The following NLRP4 variants were observed in gnomAD, a reference collection of about 807,000 sequenced individuals.
NLRP4 encodes NACHT, LRR and PYD domains-containing protein 4.
NLRP4 carries 44 observed loss-of-function variants against 84.7 expected under a neutral mutation model. The observed-to-expected ratio is 0.52, with a 90% CI of 0.41 to 0.67. NLRP4 has a LOEUF of 0.67. Ranked by LOEUF, NLRP4 falls within the 30% of genes least tolerant of loss-of-function variation. The pLI, the probability that NLRP4 is intolerant of heterozygous loss-of-function variation, is 0.00. For missense variants in NLRP4, 1,260 were observed against 1,219.4 expected, an observed-to-expected ratio of 1.03 and a Z score of -0.50; for synonymous variants, 544 against 476.4, an observed-to-expected ratio of 1.14 and a Z score of -1.85.
At position 55,857,752 on chromosome 19, in the gene NLRP4, A is replaced by G; in HGVS notation, c.359A>G (p.His120Arg). 1 of 1,613,940 alleles carries G rather than the reference A, an allele frequency of 6.2e-7. No individual in the cohort carries two copies. Among genetic ancestry groups the G allele is most frequent in the Non-Finnish European group, 8.5e-7 (1 of 1,179,820 alleles). ...LWSSKSVTEI[H>R]LYFEEEVKQE... is the part of the protein sequence containing the mutation. ...TCCAGCAAGTCTGTCACTGAGATTC[A>G]CCTATACTTTGAGGAGGAAGTCAAG... The change falls in exon 3 of 10, where the codon CAC becomes CGC. Residue 120 changes from histidine to arginine, a missense_variant. By Grantham distance (29) the His-to-Arg change is conservative (BLOSUM62 0). This residue lies in a region of NLRP4 where 712 missense variants were observed against 669.2 expected (regional missense o/e 1.06). Coordinates refer to ENST00000301295, the MANE Select transcript of NLRP4 (RefSeq NM_134444.5).
chr19:55,846,721 C>T (rs1487253259), intron 1 of NLRP4, among the ~76,000 whole-genome samples: 1 of 152,074 alleles, frequency 6.6e-6, no homozygotes, highest in Non-Finnish European at 1.5e-5. Context: ...CCAGTTGGTG[C>T]TGATGTTCCT....
chr19:55,871,846 CTTT>C (rs376627745), intron 7 of NLRP4, among the ~76,000 whole-genome samples: 3 of 142,096 alleles, frequency 2.1e-5, no homozygotes, highest in African/African-American at 2.6e-5. Context: ...CAGAAATAAT[CTTT>C]TTTTTTTTTT....
In NLRP4 at chr19:55,858,238, T is replaced by C; in HGVS notation, c.845T>C (p.Val282Ala). 3.1e-6 allele frequency: 5 copies of C among 1,614,136 alleles called. No homozygotes were observed. Among genetic ancestry groups the C allele is most frequent in the Non-Finnish European group, 4.2e-6 (5 of 1,180,014 alleles). Reference protein sequence around the residue: ...EASLLIAIKPVCPKELRDQVT... With the variant: ...EASLLIAIKPACPKELRDQVT... ...TCCCTGCTCATCGCTATCAAACCCG[T>C]GTGCCCGAAGGAGCTCCGGGATCAG... Residue 282 changes from valine (V) to alanine (A), a missense_variant, in exon 3 of 10, where the codon GTG becomes GCG. By Grantham distance (64) the Val-to-Ala change is moderately conservative. Transcript: ENST00000301295. This position sits in a 1 kb window ranked among gnomAD's most constrained non-coding sequence, Gnocchi z 4.2.
chr19:55,866,889 T>C (rs1210933728), intron 5 of NLRP4, among the ~76,000 whole-genome samples: 1 of 152,136 alleles, frequency 6.6e-6, no homozygotes, highest in African/African-American at 2.4e-5. Context: ...TGGGAATGGG[T>C]AGGACCCTTG....
At position 55,858,603 on chromosome 19, in the gene NLRP4, G is replaced by A; in HGVS notation, c.1210G>A (p.Ala404Thr). The A allele has an allele frequency of 6.2e-7, 1 of 1,614,234 alleles. No individual in the cohort carries two copies. The highest frequency in any genetic ancestry group is 8.5e-7 in the Non-Finnish European group (1 of 1,180,038). The stretch of plus-strand genomic sequence containing the variant: ...GCTGAAGGCCCTGTGCTCCCTGGCT[G>A]CAGAGGGTATGTGGACAGACACATT... ...HQLKALCSLA[A>T]EGMWTDTFEF... Residue 404 changes from alanine (A) to threonine (T), a missense_variant, in exon 3 of 10, where the codon GCA (alanine) becomes ACA (threonine). Physicochemically the swap from Ala to Thr is moderately conservative, Grantham distance 58 (BLOSUM62 0). Coordinates refer to ENST00000301295, the MANE Select transcript of NLRP4 (RefSeq NM_134444.5). The surrounding 1 kb of genome is among the most constrained non-coding windows in gnomAD (Gnocchi z 4.2).
In NLRP4 at chr19:55,878,838, C is replaced by T. The variant is rs769137352; in HGVS notation, c.2741C>T (p.Ala914Val). 1.6e-5 allele frequency: 26 copies of T among 1,613,588 alleles called. No homozygotes were observed. The highest frequency in any genetic ancestry group is 7.7e-5 in the South Asian group (7 of 91,048). Residue 914 changes from alanine (A) to valine (V), a missense_variant, in exon 9 of 10, where the codon GCG (alanine) becomes GTG (valine). Transcript: ENST00000301295. ...GLTSTCCKDL[A>V]SVLTCSKTLQ... ...ACGAGCACCTGCTGTAAGGATCTCG[C>T]GTCTGTTCTCACCTGCAGTAAGACC...
intron 8 of NLRP4, 43 bp downstream of exon 8, chr19:55,877,209 A>G (rs777288437): frequency 5.8e-5 from 90 of 1,564,100 alleles, no homozygotes; most frequent in Non-Finnish European, 7.0e-5. Context: ...ATGAGTGGCA[A>G]AGACGGAAAA....
chr19:55,881,470 G>A lies in NLRP4; in HGVS notation c.2868G>A (p.Gly956=). 6.6e-7 allele frequency: 1 copy of A among 1,507,558 alleles called. No individual in the cohort carries two copies. Among genetic ancestry groups the A allele is most frequent in the East Asian group, 2.3e-5 (1 of 44,386 alleles). 93.4% of individuals were successfully genotyped at this position (1,507,558 alleles called of 1,614,324 possible). A position where few individuals can be genotyped will look rare whatever the true frequency, so the allele number is the denominator to read the frequency against. The change falls in exon 10 of 10, where the codon GGG becomes GGA. Residue 956 remains glycine (G), a splice_region_variant and synonymous_variant. Transcript: ENST00000301295. ...AGAACCTCTTAAAATATTTTACCAG[G>A]CTGAGAAAAACTGATTTTGATGAGG... ...RHPECALQVL[G]LRKTDFDEET... is the part of the protein sequence containing the mutation.
At chr19:55,875,676 A>C (rs558637547) in intron 7 of NLRP4, among the ~76,000 whole-genome samples, 3 of 152,306 alleles carry the variant, frequency 2.0e-5, no homozygotes, top group African/African-American at 7.2e-5. Context: ...CTTGAAAAGT[A>C]AATTTTAAAA....
intron 7 of NLRP4, among the ~76,000 whole-genome samples, chr19:55,871,364 G>A (rs1310750725): frequency 6.6e-6 from 1 of 152,142 alleles, no homozygotes. Context: ...CCAGGTAGAA[G>A]GGTAAAACGT....
intron 7 of NLRP4, among the ~76,000 whole-genome samples, chr19:55,871,579 G>A (rs772384099): frequency 1.7e-4 from 26 of 152,174 alleles, no homozygotes; most frequent in Non-Finnish European, 2.2e-4. Flanking sequence ...ATAACATGTT[G>A]TTATGTATTT....
intron 4 of NLRP4, 110 bp downstream of exon 4, chr19:55,861,657 G>A: frequency 9.7e-7 from 1 of 1,029,888 alleles, no homozygotes; most frequent in South Asian, 1.5e-5. Flanking sequence ...AACATCCAGA[G>A]CAGTTGCTCA....
chr19:55,860,703 G>C (rs1984716291), intron 3 of NLRP4, among the ~76,000 whole-genome samples: 1 of 152,210 alleles, frequency 6.6e-6, no homozygotes, highest in East Asian at 1.9e-4. Context: ...TTAGGACATG[G>C]AGAGTTTTAG....
intron 1 of NLRP4, among the ~76,000 whole-genome samples, chr19:55,849,129 C>G (rs1039932995): frequency 6.6e-6 from 1 of 152,094 alleles, no homozygotes; most frequent in East Asian, 1.9e-4. Flanking sequence ...GGAGTTATGC[C>G]GCATCTCCTT....
At chr19:55,854,581 A>G (rs1984335669) in intron 2 of NLRP4, among the ~76,000 whole-genome samples, 2 of 152,330 alleles carry the variant, frequency 1.3e-5, no homozygotes, top group South Asian at 4.1e-4. Flanking sequence ...TAGTAGTTAC[A>G]GGGAAATTTC....
At chr19:55,850,845 A>C (rs1481524508) in intron 1 of NLRP4, among the ~76,000 whole-genome samples, 1 of 84,702 alleles carries the variant, frequency 1.2e-5, no homozygotes, top group African/African-American at 1.3e-4. Flanking sequence ...CTGCGGTGTA[A>C]TTTACGAGGC....
intron 1 of NLRP4, among the ~76,000 whole-genome samples, chr19:55,846,164 G>A (rs1304383428): frequency 1.3e-5 from 2 of 152,140 alleles, no homozygotes; most frequent in African/African-American, 4.8e-5. Flanking sequence ...GGTCTAACAT[G>A]TAAGTCTCTA....
At chr19:55,840,980 G>A (rs1168819684) in intron 1 of NLRP4, among the ~76,000 whole-genome samples, 1 of 152,172 alleles carries the variant, frequency 6.6e-6, no homozygotes, top group Non-Finnish European at 1.5e-5. Context: ...TGCATGACAT[G>A]CTATTTTGTT....
intron 6 of NLRP4, among the ~76,000 whole-genome samples, chr19:55,869,660 A>G (rs1000809275): frequency 3.3e-5 from 5 of 152,198 alleles, no homozygotes; most frequent in Admixed American, 6.5e-5. Flanking sequence ...TTTGTTAAAC[A>G]TAAAAATGCC....
Sources: allele counts gnomAD v4.1 joint callset (sites outside exome capture counted in the v4.1 genomes callset), GRCh38; gene constraint gnomAD v4.1.1; regional missense constraint gnomAD v4.1.1; non-coding constraint Gnocchi (gnomAD v3.1); transcripts MANE v1.5; gene names NCBI Gene and HGNC (gene_info 2026-07-23, HGNC 2026-07-21).